Variants in ICE1 observed in about 807,000 individuals in gnomAD.
ICE1 encodes the protein little elongation complex subunit 1.
In ICE1, 64 loss-of-function variants were observed where a neutral mutation model predicts 192.7. The ratio of observed to expected loss-of-function variants is 0.33; its 90% confidence interval spans 0.27 to 0.41. The LOEUF (loss-of-function observed/expected upper bound fraction) is 0.41, where lower values mean the gene tolerates loss of function less well. Among genes scored for constraint, ICE1 ranks in the 10% least tolerant of loss-of-function variants. ICE1 has a pLI of 1.00. For missense variants in ICE1, 2,708 were observed against 2,696.0 expected (o/e 1.00, Z -0.10); for synonymous variants, 1,010 against 984.5 (o/e 1.03, Z -0.49).
At chr5:5,430,933 C>T (rs114860434) in intron 1 of ICE1, among the ~76,000 whole-genome samples, 2,198 of 152,292 alleles carry the variant, frequency 0.014, 51 homozygotes, top group African/African-American at 0.05. Flanking sequence ...GGATTGAACA[C>T]TTTATATGGT....
At chr5:5,481,360 CTG>C (rs1015582978) in intron 17 of ICE1, among the ~76,000 whole-genome samples, 7 of 152,046 alleles carry the variant, frequency 4.6e-5, no homozygotes, top group African/African-American at 1.7e-4. Flanking sequence ...AGAGTGAAGA[CTG>C]TTTTTTGTGG....
intron 11 of ICE1, among the ~76,000 whole-genome samples, chr5:5,455,326 C>T (rs148549192): frequency 1.2e-3 from 177 of 152,218 alleles, no homozygotes; most frequent in African/African-American, 4.0e-3. Flanking sequence ...TGTACGGAGG[C>T]ATATTTGATG....
Position 5,464,116 on chromosome 5 carries a change from A to G in ICE1, c.4782A>G (p.Thr1594=), listed in dbSNP as rs772334755. 11 of 1,613,546 alleles carry G rather than the reference A, an allele frequency of 6.8e-6. No individual in the cohort carries two copies. The highest frequency in any genetic ancestry group is 1.1e-5 in the South Asian group (1 of 91,076). ...CATTTTCAGGGGAAAAAGCTAATACAAAAACTCAAAGAAGCCAAACTCAGA... is the reference window on the plus strand; with the variant it reads ...CATTTTCAGGGGAAAAAGCTAATACGAAAACTCAAAGAAGCCAAACTCAGA... ...AQSFSGEKAN[T]KTQRSQTQTI... is the part of the protein sequence containing the mutation. Residue 1594 remains threonine (T), a synonymous_variant, in exon 13 of 19, where the codon ACA becomes ACG. Coordinates refer to ENST00000296564, the MANE Select transcript of ICE1 (RefSeq NM_015325.3). This position sits in a 1 kb window ranked among gnomAD's most constrained non-coding sequence, Gnocchi z 4.0.
At position 5,422,964 on chromosome 5, in the gene ICE1, C is replaced by T; in HGVS notation, c.49C>T (p.Leu17=). 6.9e-7 allele frequency: 1 copy of T among 1,456,304 alleles called. No individual in the cohort carries two copies. The highest frequency in any genetic ancestry group is 9.0e-7 in the Non-Finnish European group (1 of 1,106,890). The allele number at this position is 1,456,304 out of a possible 1,614,324, so 90.2% of individuals were successfully genotyped here. The change falls in exon 1 of 19, where the codon CTG becomes TTG. Residue 17 remains leucine (L), a synonymous_variant. Transcript: ENST00000296564. The part of the protein sequence containing the change: ...HSAAPGTAAD[L]SRCQGCASLQ... Reference sequence around the variant, plus strand: ...GGCGGCGCCCGGGACGGCGGCGGACCTGTCGCGATGTCAGGGCTGCGCCTC... The same window carrying T: ...GGCGGCGCCCGGGACGGCGGCGGACTTGTCGCGATGTCAGGGCTGCGCCTC...
chr5:5,427,399 A>G (rs1000613162), intron 1 of ICE1, among the ~76,000 whole-genome samples: 1 of 152,230 alleles, frequency 6.6e-6, no homozygotes, highest in Non-Finnish European at 1.5e-5. Flanking sequence ...AAGCTAGTGA[A>G]GCTGACATAG....
intron 17 of ICE1, among the ~76,000 whole-genome samples, chr5:5,486,005 C>T (rs531881264): frequency 6.6e-6 from 1 of 152,278 alleles, no homozygotes; most frequent in South Asian, 2.1e-4. Context: ...GAGAAAAAAG[C>T]GCCTAATTTC....
At position 5,462,890 on chromosome 5, in the gene ICE1, G is replaced by C; in HGVS notation, c.3556G>C (p.Asp1186His). 1 of 1,609,058 alleles carries C rather than the reference G, an allele frequency of 6.2e-7. No homozygotes were observed. The highest frequency in any genetic ancestry group is 8.5e-7 in the Non-Finnish European group (1 of 1,177,260). The change falls in exon 13 of 19, where the codon GAT (aspartate) becomes CAT (histidine). Residue 1186 changes from aspartate to histidine, a missense_variant. By Grantham distance (81) the Asp-to-His change is moderately conservative (BLOSUM62 -1). Transcript: ENST00000296564. ...GTTTCTTGAGAGCTGTCAGTTAGGG[G>C]ATTATAGTTCAGGGGACTCTGTTTC... ...VMFLESCQLG[D>H]YSSGDSVSEC... is the part of the protein sequence containing the mutation.
chr5:5,452,700 T>C (rs1431000752), intron 10 of ICE1, among the ~76,000 whole-genome samples: 1 of 152,076 alleles, frequency 6.6e-6, no homozygotes, highest in Non-Finnish European at 1.5e-5. Context: ...AATAATACAA[T>C]TTTTCAACAG....
intron 2 of ICE1, 54 bp downstream of exon 2, chr5:5,436,530 T>C (rs565567855): frequency 9.0e-7 from 1 of 1,117,160 alleles, no homozygotes; most frequent in Non-Finnish European, 1.2e-6. Flanking sequence ...ACAAACTGGC[T>C]GAAGCAGGCG....
At position 5,463,937 on chromosome 5, in the gene ICE1, G is replaced by C. The variant is rs1055120773; in HGVS notation, c.4603G>C (p.Val1535Leu). ...TGATCAAAACTTCGAGACTCAGATTGTTGCGTCTGATCACACATATTATAA... is the reference window on the plus strand; with the variant it reads ...TGATCAAAACTTCGAGACTCAGATTCTTGCGTCTGATCACACATATTATAA... ...IYDQNFETQI[V>L]ASDHTYYNSK... Residue 1535 changes from valine (V) to leucine (L), a missense_variant, in exon 13 of 19, where the codon GTT (valine) becomes CTT (leucine). This residue lies in a region of ICE1 where 2,366 missense variants were observed against 2,276.6 expected (regional missense o/e 1.04). Coordinates refer to ENST00000296564, the MANE Select transcript of ICE1 (RefSeq NM_015325.3). The C allele has an allele frequency of 1.9e-6, 3 of 1,613,852 alleles. No homozygotes were observed. Among genetic ancestry groups the C allele is most frequent in the Middle Eastern group, 3.3e-4 (2 of 6,062 alleles).
chr5:5,464,763 G>A lies in ICE1; in HGVS notation c.5429G>A (p.Gly1810Glu), dbSNP rs766341858. 2 of 1,613,780 alleles carry A rather than the reference G, an allele frequency of 1.2e-6. No individual in the cohort carries two copies. Among genetic ancestry groups the A allele is most frequent in the Admixed American group, 1.7e-5 (1 of 59,998 alleles). The change falls in exon 13 of 19, where the codon GGG becomes GAG. Residue 1810 changes from glycine (G) to glutamate (E), a missense_variant. Physicochemically the swap from Gly to Glu is moderately conservative, Grantham distance 98. Transcript: ENST00000296564. The surrounding 1 kb of genome is among the most constrained non-coding windows in gnomAD (Gnocchi z 4.0). ...GCAGCAACTGCTTTTGTCAAAACTGGGAGCAGCTCTGGTGGTGACTGTAAC... is the reference window on the plus strand; with the variant it reads ...GCAGCAACTGCTTTTGTCAAAACTGAGAGCAGCTCTGGTGGTGACTGTAAC... ...TSAATAFVKT[G>E]SSSGGDCNQD...
At chr5:5,423,390 C>T (rs1032682069) in intron 1 of ICE1, among the ~76,000 whole-genome samples, 2 of 152,032 alleles carry the variant, frequency 1.3e-5, no homozygotes, top group Admixed American at 1.3e-4. Context: ...GGTCTTCTGG[C>T]CCATCCTGAG....
intron 10 of ICE1, among the ~76,000 whole-genome samples, chr5:5,449,993 A>C (rs1437820295): frequency 6.6e-6 from 1 of 152,208 alleles, no homozygotes. Flanking sequence ...GAGAATCTAC[A>C]TTTACTGCTG....
rs779231382 is a variant in ICE1 at position 5,461,338 on chromosome 5, G to A, written c.2004G>A (p.Pro668=). 95 of 1,613,622 alleles carry A rather than the reference G, an allele frequency of 5.9e-5. No homozygotes were observed. The highest frequency in any genetic ancestry group is 1.6e-4 in the Middle Eastern group (1 of 6,082). The part of the protein sequence containing the change: ...DITTKVFSTE[P]HHSEHKLQTK... ...CTACTAAAGTATTCTCTACTGAACC[G>A]CATCATTCAGAACATAAATTGCAAA... is the stretch of plus-strand genomic sequence containing the variant. Residue 668 remains proline, a synonymous_variant, in exon 13 of 19, where the codon CCG becomes CCA. Transcript: ENST00000296564.
intron 1 of ICE1, among the ~76,000 whole-genome samples, chr5:5,432,512 A>G (rs1296560310): frequency 6.6e-6 from 1 of 151,998 alleles, no homozygotes; most frequent in African/African-American, 2.4e-5. Context: ...TTTGCCGTGG[A>G]CTCTATTTTC....
chr5:5,433,840 C>A (rs1214339273), intron 1 of ICE1, among the ~76,000 whole-genome samples: 1 of 151,964 alleles, frequency 6.6e-6, no homozygotes, highest in Non-Finnish European at 1.5e-5. Context: ...GAGAGGTGTT[C>A]CTAGTTTACT....
chr5:5,436,499 TG>T, intron 2 of ICE1, 23 bp downstream of exon 2: 1 of 1,369,716 alleles, frequency 7.3e-7, no homozygotes, highest in Non-Finnish European at 9.7e-7. Flanking sequence ...GCATGTCGTT[TG>T]GCAGAACTTT....
chr5:5,422,877 C>A lies in ICE1; in HGVS notation c.-39C>A. ...CAGGACGGGGCCGACGCCGCGGGCC[C>A]CTGAGGCGTGCGTGCCCACCGGGCC... is the stretch of plus-strand genomic sequence containing the variant. On this transcript the variant is annotated 5_prime_UTR_variant, in exon 1 of 19. Transcript: ENST00000296564. 1.5e-6 allele frequency: 2 copies of A among 1,327,238 alleles called. No homozygotes were observed. Among genetic ancestry groups the A allele is most frequent in the East Asian group, 6.4e-5 (2 of 31,162 alleles). 82.2% of individuals were successfully genotyped at this position (1,327,238 alleles called of 1,614,324 possible).
At chr5:5,453,386 T>G (rs930604294) in intron 10 of ICE1, among the ~76,000 whole-genome samples, 4 of 152,186 alleles carry the variant, frequency 2.6e-5, no homozygotes, top group African/African-American at 9.7e-5. Flanking sequence ...CCTGCCCCTT[T>G]CTGTGGACTT....
Sources: gnomAD v4.1 joint callset for allele counts (sites outside exome capture counted in the v4.1 genomes callset) on GRCh38, gnomAD v4.1.1 for gene constraint, gnomAD v4.1.1 regional missense constraint, Gnocchi (gnomAD v3.1) non-coding constraint, MANE v1.5 for transcripts, NCBI Gene and HGNC (gene_info 2026-07-23, HGNC 2026-07-21) for gene names.